Variants in VCAN observed in about 807,000 individuals in gnomAD.
VCAN encodes versican core protein.
Under a neutral mutation model 245.5 loss-of-function variants are expected in VCAN, and 44 were observed. That is an observed-to-expected ratio of 0.18 (90% CI 0.14 to 0.23). The LOEUF (loss-of-function observed/expected upper bound fraction) is 0.23, where lower values mean the gene tolerates loss of function less well. VCAN is among the 10% of genes least tolerant of loss of function. VCAN has a pLI of 1.00. For missense variants in VCAN, 3,793 were observed against 4,057.9 expected, an observed-to-expected ratio of 0.93 and a Z score of 1.77; for synonymous variants, 1,413 against 1,437.0, an observed-to-expected ratio of 0.98 and a Z score of 0.38.
intron 1 of VCAN, among the ~76,000 whole-genome samples, chr5:83,475,638 T>C (rs775310974): frequency 2.0e-5 from 3 of 152,252 alleles, no homozygotes; most frequent in Non-Finnish European, 2.9e-5. Context: ...AGAGTCTGAC[T>C]TCTTGTTCTG....
intron 5 of VCAN, among the ~76,000 whole-genome samples, chr5:83,504,691 C>A (rs1273887794): frequency 6.6e-6 from 1 of 152,088 alleles, no homozygotes; most frequent in Non-Finnish European, 1.5e-5. Flanking sequence ...CTGATGAATT[C>A]TTATTATAAC....
At position 83,537,457 on chromosome 5, in the gene VCAN, C is replaced by T; in HGVS notation, c.4454C>T (p.Thr1485Ile). Residue 1485 changes from threonine (T) to isoleucine (I), a missense_variant, in exon 8 of 15, where the codon ACT becomes ATT. Coordinates refer to ENST00000265077, the MANE Select transcript of VCAN (RefSeq NM_004385.5). ...ESLEVTWKPE[T>I]YPETSEHFSG... ...CTTGAAGTTACATGGAAGCCTGAGA[C>T]TTACCCTGAAACATCAGAACATTTT... 6.2e-7 allele frequency: 1 copy of T among 1,613,976 alleles called. No homozygotes were observed. The highest frequency in any genetic ancestry group is 8.5e-7 in the Non-Finnish European group (1 of 1,179,942).
At chr5:83,476,038 T>C (rs144995726) in intron 1 of VCAN, among the ~76,000 whole-genome samples, 1 of 152,376 alleles carries the variant, frequency 6.6e-6, no homozygotes, top group East Asian at 1.9e-4. Flanking sequence ...CCTGTATCTA[T>C]ACACTTGTAA....
chr5:83,549,906 G>A (rs375814739), intron 10 of VCAN, among the ~76,000 whole-genome samples: 1 of 152,122 alleles, frequency 6.6e-6, no homozygotes, highest in Non-Finnish European at 1.5e-5. Context: ...CAGCTTTGTT[G>A]TCTAAACAAT....
At chr5:83,536,906 T>C in intron 7 of VCAN, 101 bp from the exon 8 acceptor site, 1 of 974,050 alleles carries the variant, frequency 1.0e-6, no homozygotes, top group East Asian at 2.6e-5. Context: ...ATTTGAATCC[T>C]TCTTTGTGTG....
chr5:83,492,422 A>G (rs1489608123), intron 3 of VCAN, among the ~76,000 whole-genome samples: 4 of 152,176 alleles, frequency 2.6e-5, no homozygotes, highest in Non-Finnish European at 5.9e-5. Flanking sequence ...CATTCATAAG[A>G]CCCAGTTGCC....
At position 83,537,321 on chromosome 5, in the gene VCAN, T is replaced by C; in HGVS notation, c.4318T>C (p.Ser1440Pro). ...TGGCCAGTTTGAAAGTGTTGCACCT[T>C]CTCAGAATTTCTCGGACAGCTCTGA... Reference protein sequence around the residue: ...RRGQFESVAPSQNFSDSSESD... With the variant: ...RRGQFESVAPPQNFSDSSESD... Residue 1440 changes from serine (S) to proline (P), a missense_variant, in exon 8 of 15, where the codon TCT becomes CCT. This residue lies in a region of VCAN where 3,182 missense variants were observed against 3,250.3 expected (regional missense o/e 0.98). Transcript: ENST00000265077. The C allele has an allele frequency of 1.2e-6, 2 of 1,613,982 alleles. No homozygotes were observed. Among genetic ancestry groups the C allele is most frequent in the South Asian group, 2.2e-5 (2 of 91,082 alleles).
intron 5 of VCAN, among the ~76,000 whole-genome samples, chr5:83,497,668 C>A (rs1008271603): frequency 2.0e-5 from 3 of 151,700 alleles, no homozygotes; most frequent in African/African-American, 7.3e-5. Flanking sequence ...ACAAAATAAT[C>A]CTTATTAGGA....
chr5:83,479,917 G>A (rs1419959992), intron 1 of VCAN, among the ~76,000 whole-genome samples: 1 of 152,108 alleles, frequency 6.6e-6, no homozygotes, highest in African/African-American at 2.4e-5. Context: ...GTGACTACAG[G>A]GGCGAGGCAT....
chr5:83,563,902 T>A (rs160282), intron 12 of VCAN, among the ~76,000 whole-genome samples: 34,370 of 152,118 alleles, frequency 0.23, 4,263 homozygotes, highest in Admixed American at 0.33. Context: ...TCCTAAGGAT[T>A]TTAGGTGGAT....
chr5:83,539,457 A>G lies in VCAN; in HGVS notation c.6454A>G (p.Thr2152Ala). Residue 2152 changes from threonine (T) to alanine (A), a missense_variant, in exon 8 of 15, where the codon ACC becomes GCC. Thr to Ala is a moderately conservative substitution (Grantham distance 58). Transcript: ENST00000265077. ...SQTFTETELKTTDYSVLTTKK... is the reference protein window; with the variant it reads ...SQTFTETELKATDYSVLTTKK... The stretch of plus-strand genomic sequence containing the variant: ...GACATTTACTGAAACTGAACTCAAA[A>G]CCACAGATTATTCTGTACTAACAAC... 1 of 1,613,460 alleles carries G rather than the reference A, an allele frequency of 6.2e-7. No individual in the cohort carries two copies. The highest frequency in any genetic ancestry group is 8.5e-7 in the Non-Finnish European group (1 of 1,179,774).
chr5:83,574,486 A>C (rs1748404902), intron 13 of VCAN, among the ~76,000 whole-genome samples: 1 of 152,204 alleles, frequency 6.6e-6, no homozygotes, highest in African/African-American at 2.4e-5. Context: ...AAAATGCACT[A>C]ATCCCTTCCC....
intron 1 of VCAN, among the ~76,000 whole-genome samples, chr5:83,474,507 G>A (rs1187600898): frequency 6.6e-6 from 1 of 152,230 alleles, no homozygotes; most frequent in Non-Finnish European, 1.5e-5. Flanking sequence ...CTGGGTCTGG[G>A]GCCCGCCCCC....
At chr5:83,525,945 CT>C (rs1359254349) in intron 7 of VCAN, among the ~76,000 whole-genome samples, 76 of 145,612 alleles carry the variant, frequency 5.2e-4, no homozygotes, top group East Asian at 6.0e-4. Flanking sequence ...AGAGTCATCA[CT>C]TTTTTTTTTT....
chr5:83,491,103 C>T (rs1040892231), intron 3 of VCAN, among the ~76,000 whole-genome samples: 11 of 152,062 alleles, frequency 7.2e-5, no homozygotes, highest in South Asian at 4.1e-4. Context: ...AGTTGTTATC[C>T]GTTAAGTATT....
Position 83,540,190 on chromosome 5 carries a change from C to T in VCAN, c.7187C>T (p.Thr2396Ile), listed in dbSNP as rs201401506. 5.6e-6 allele frequency: 9 copies of T among 1,613,912 alleles called. No individual in the cohort carries two copies. The highest frequency in any genetic ancestry group is 7.6e-6 in the Non-Finnish European group (9 of 1,179,982). The change falls in exon 8 of 15, where the codon ACC becomes ATC. Residue 2396 changes from threonine (T) to isoleucine (I), a missense_variant. By Grantham distance (89) the Thr-to-Ile change is moderately conservative. This residue lies in a region of VCAN where 3,182 missense variants were observed against 3,250.3 expected (regional missense o/e 0.98). Coordinates refer to ENST00000265077, the MANE Select transcript of VCAN (RefSeq NM_004385.5). ...SSTAEINETT[T>I]SSTDFLARAY... ...ACAGCAGAAATTAACGAAACAACAA[C>T]CTCATCTACTGATTTTCTGGCTAGA...
intron 5 of VCAN, among the ~76,000 whole-genome samples, chr5:83,496,336 A>C (rs1043522378): frequency 6.6e-6 from 1 of 152,232 alleles, no homozygotes; most frequent in African/African-American, 2.4e-5. Context: ...ACCCAACTGT[A>C]TTTTATAAAG....
chr5:83,565,792 T>A (rs1228539849), intron 12 of VCAN, among the ~76,000 whole-genome samples: 1 of 152,160 alleles, frequency 6.6e-6, no homozygotes, highest in East Asian at 1.9e-4. Context: ...TGTGCAGGGA[T>A]CAGCTGGGAC....
intron 12 of VCAN, among the ~76,000 whole-genome samples, chr5:83,570,090 G>A (rs1341187157): frequency 6.6e-6 from 1 of 151,948 alleles, no homozygotes; most frequent in Non-Finnish European, 1.5e-5. Flanking sequence ...TGAGTTCCTG[G>A]TTGCAGGGAG....
Sources: gnomAD v4.1 joint callset for allele counts (sites outside exome capture counted in the v4.1 genomes callset) on GRCh38, gnomAD v4.1.1 for gene constraint, gnomAD v4.1.1 regional missense constraint, MANE v1.5 for transcripts, NCBI Gene and HGNC (gene_info 2026-07-23, HGNC 2026-07-21) for gene names.